The following APP variants were observed in gnomAD, a reference collection of about 807,000 sequenced individuals.
The protein encoded by APP is amyloid-beta precursor protein.
APP carries 31 observed loss-of-function variants against 101.4 expected under a neutral mutation model. The ratio of observed to expected loss-of-function variants is 0.31; its 90% CI spans 0.23 to 0.41. The LOEUF (loss-of-function observed/expected upper bound fraction) is 0.41, where lower values mean the gene tolerates loss of function less well. Ranked by LOEUF, APP falls within the 10% of genes least tolerant of loss-of-function variation. The pLI, the probability that APP is intolerant of heterozygous loss-of-function variation, is 1.00. For synonymous variants in APP, 366 were observed against 364.4 expected (o/e 1.00, Z -0.05); for missense variants, 839 against 1,003.7 (o/e 0.84, Z 2.22).
At chr21:25,900,378 C>CAAAAAAAA (rs60231150) in intron 15 of APP, among the ~76,000 whole-genome samples, 59 of 59,456 alleles carry the variant, frequency 9.9e-4, no homozygotes, top group Non-Finnish European at 1.5e-3. Context: ...ACTAAAAATA[C>CAAAAAAAA]AAAAAAAAAA....
chr21:26,016,225 G>C (rs2044055387), intron 6 of APP, among the ~76,000 whole-genome samples: 1 of 152,074 alleles, frequency 6.6e-6, no homozygotes, highest in Non-Finnish European at 1.5e-5. Context: ...TGAAGACGGG[G>C]TTTCACCATG....
intron 14 of APP, among the ~76,000 whole-genome samples, chr21:25,909,590 T>C (rs1000305111): frequency 6.6e-6 from 1 of 152,196 alleles, no homozygotes; most frequent in South Asian, 2.1e-4. Flanking sequence ...TATGTGTGTG[T>C]GTGTACATTC....
In APP at chr21:26,136,169, A is replaced by AAAAGAAAGAAAGAAAG. The variant is rs138676290; in HGVS notation, c.58-24039_58-24024dup. ...GAAAAGAAAAGAAAAGAAAAGAAAG[A>AAAAGAAAGAAAGAAAG]AAAGAAAGAAAGAAAGAAAGAAAGA... On this transcript the variant is annotated intron_variant, in intron 1 of 17. Transcript: ENST00000346798. Among the ~76,000 whole-genome samples the AAAAGAAAGAAAGAAAG allele has an allele frequency of 2.1e-4, 19 of 92,014 alleles. 2 individuals are homozygous for AAAAGAAAGAAAGAAAG. The highest frequency in any genetic ancestry group is 9.7e-4 in the African/African-American group (18 of 18,602). The allele number at this position is 92,014 out of a possible 152,430, so 60.4% of individuals were successfully genotyped here.
intron 16 of APP, among the ~76,000 whole-genome samples, chr21:25,892,209 G>T (rs552723208): frequency 6.6e-6 from 1 of 152,128 alleles, no homozygotes; most frequent in Non-Finnish European, 1.5e-5. Context: ...TTGACAGGTG[G>T]AACATTTGGT....
intron 1 of APP, among the ~76,000 whole-genome samples, chr21:26,116,843 T>A (rs1360846681): frequency 6.6e-6 from 1 of 152,246 alleles, no homozygotes; most frequent in Non-Finnish European, 1.5e-5. Context: ...TGGTACTTTT[T>A]AATCAGTTCA....
chr21:26,131,464 T>C (rs1398617150), intron 1 of APP, among the ~76,000 whole-genome samples: 1 of 152,194 alleles, frequency 6.6e-6, no homozygotes, highest in East Asian at 1.9e-4. Flanking sequence ...CATATATTTG[T>C]TGGCTCTTTT....
At chr21:25,936,072 G>A (rs1030198003) in intron 13 of APP, among the ~76,000 whole-genome samples, 11 of 152,114 alleles carry the variant, frequency 7.2e-5, no homozygotes, top group African/African-American at 2.7e-4. Flanking sequence ...GCTGAGGAAC[G>A]ATGAAGAGGA....
In APP at chr21:26,081,654, A is replaced by G. The variant is rs1601412366; in HGVS notation, c.355+8289T>C. 2.6e-5 allele frequency among the ~76,000 whole-genome samples: 4 copies of G among 152,312 alleles called. No homozygotes were observed. In the East Asian group the frequency reaches 7.7e-4, roughly 29 times the overall value. ...GGTTTAGCTTGGGCTCAGAGGCCTG[A>G]CAGTTACAGAATCTCTTTATTGTCA... On this transcript the variant is annotated intron_variant, in intron 3 of 17. Coordinates refer to ENST00000346798, the MANE Select transcript of APP (RefSeq NM_000484.4).
At chr21:26,170,530 A>G in intron 1 of APP, 34 bp downstream of exon 1, 1 of 1,535,088 alleles carries the variant, frequency 6.5e-7, no homozygotes, top group Non-Finnish European at 8.7e-7. Context: ...CCCACCGTGC[A>G]GCCTCCCCCC....
chr21:25,950,535 C>T (rs13050406), intron 13 of APP, among the ~76,000 whole-genome samples: 20,765 of 152,046 alleles, frequency 0.14, 1,803 homozygotes, highest in Middle Eastern at 0.19. Flanking sequence ...GTGCCTGCCA[C>T]CATGCCTGGC....
chr21:26,064,749 T>C (rs1421578391), intron 3 of APP, among the ~76,000 whole-genome samples: 1 of 152,230 alleles, frequency 6.6e-6, no homozygotes, highest in Non-Finnish European at 1.5e-5. Flanking sequence ...GAGGCCCATG[T>C]TCCACAGAAG....
chr21:25,975,074 G>C lies in APP; in HGVS notation c.1454C>G (p.Pro485Arg). 1 of 1,614,054 alleles carries C rather than the reference G, an allele frequency of 6.2e-7. No homozygotes were observed. Among genetic ancestry groups the C allele is most frequent in the Non-Finnish European group, 8.5e-7 (1 of 1,180,014 alleles). The part of the protein sequence containing the change: ...NYITALQAVP[P>R]RPRHVFNMLK... ...CTCGGCTGCAGCGAGACCTACCCGA[G>C]GAGGAACAGCCTGCAGAGCGGTGAT... The change falls in exon 11 of 18, where the codon CCT becomes CGT. Residue 485 changes from proline to arginine, a missense_variant. By Grantham distance (103) the Pro-to-Arg change is moderately radical (BLOSUM62 -2). Transcript: ENST00000346798.
intron 13 of APP, among the ~76,000 whole-genome samples, chr21:25,921,514 A>C (rs1307143889): frequency 1.3e-5 from 2 of 149,228 alleles, no homozygotes; most frequent in South Asian, 2.1e-4. Flanking sequence ...GGAGAATCAA[A>C]TAGACACGAT....
intron 13 of APP, among the ~76,000 whole-genome samples, chr21:25,946,162 G>A (rs2040811862): frequency 6.6e-6 from 1 of 151,924 alleles, no homozygotes; most frequent in South Asian, 2.1e-4. Context: ...ACCTTGTTTC[G>A]GACAATGGTT....
At chr21:25,924,619 G>A (rs910334542) in intron 13 of APP, among the ~76,000 whole-genome samples, 17 of 150,034 alleles carry the variant, frequency 1.1e-4, no homozygotes, top group Non-Finnish European at 2.1e-4. Context: ...TCCAGGGGTG[G>A]GGTGAAAGGG....
intron 2 of APP, among the ~76,000 whole-genome samples, chr21:26,093,087 T>C (rs959495877): frequency 7.2e-5 from 11 of 152,206 alleles, no homozygotes; most frequent in African/African-American, 2.4e-4. Context: ...TATCTTAATA[T>C]CTCAATGCAG....
At chr21:25,961,908 T>C (rs116704339) in intron 11 of APP, among the ~76,000 whole-genome samples, 5,377 of 152,272 alleles carry the variant, frequency 0.035, 307 homozygotes, top group African/African-American at 0.12. Context: ...AGAAACATTT[T>C]TTTTTTTTAA....
At chr21:26,131,421 T>A (rs747267588) in intron 1 of APP, among the ~76,000 whole-genome samples, 2 of 152,168 alleles carry the variant, frequency 1.3e-5, no homozygotes. Flanking sequence ...TTTAAGACAA[T>A]TGCGCATAGA....
At chr21:26,055,499 C>T (rs955225645) in intron 3 of APP, among the ~76,000 whole-genome samples, 22 of 152,146 alleles carry the variant, frequency 1.4e-4, no homozygotes, top group African/African-American at 4.8e-4. Flanking sequence ...AAAACAAATA[C>T]ACCATTCCCA....
Sources: allele counts gnomAD v4.1 joint callset (sites outside exome capture counted in the v4.1 genomes callset), GRCh38; gene constraint gnomAD v4.1.1; transcripts MANE v1.5; gene names NCBI Gene and HGNC (gene_info 2026-07-23, HGNC 2026-07-21).